The following GRID2 variants were observed in gnomAD, a reference collection of about 807,000 sequenced individuals.
The protein encoded by GRID2 is glutamate ionotropic receptor delta type subunit 2, also known as glutamate receptor ionotropic, delta-2.
In GRID2, 33 loss-of-function variants were observed where a neutral mutation model predicts 114.8. The observed-to-expected ratio is 0.29, with a 90% CI of 0.22 to 0.38. The LOEUF (loss-of-function observed/expected upper bound fraction) is 0.38. GRID2 is among the 10% of genes least tolerant of loss of function. GRID2 has a pLI of 1.00. For missense variants in GRID2, 1,184 were observed against 1,257.7 expected, an observed-to-expected ratio of 0.94 and a Z score of 0.89; for synonymous variants, 505 against 449.9, an observed-to-expected ratio of 1.12 and a Z score of -1.55.
chr4:92,873,713 G>GTTTGT (rs1216760824), intron 2 of GRID2, among the ~76,000 whole-genome samples: 6 of 151,944 alleles, frequency 3.9e-5, no homozygotes, highest in Non-Finnish European at 7.4e-5. Flanking sequence ...TTTTTTGTTT[G>GTTTGT]TTTGTTTTGT....
intron 2 of GRID2, among the ~76,000 whole-genome samples, chr4:93,053,392 T>C (rs936032907): frequency 6.6e-6 from 1 of 151,936 alleles, no homozygotes; most frequent in Non-Finnish European, 1.5e-5. Flanking sequence ...TGTATGTGTA[T>C]GCATGTGAAT....
At chr4:92,915,907 G>A (rs1748753582) in intron 2 of GRID2, among the ~76,000 whole-genome samples, 1 of 152,022 alleles carries the variant, frequency 6.6e-6, no homozygotes, top group South Asian at 2.1e-4. Context: ...AATTTTTAAT[G>A]GGGTTATTTG....
At chr4:93,547,003 G>GTTTTTATAT (rs1733287650) in intron 13 of GRID2, among the ~76,000 whole-genome samples, 1 of 151,968 alleles carries the variant, frequency 6.6e-6, no homozygotes, top group Non-Finnish European at 1.5e-5. Flanking sequence ...TAATTTTGCC[G>GTTTTTATAT]TCAACAAAGC....
intron 11 of GRID2, among the ~76,000 whole-genome samples, chr4:93,474,956 C>A (rs1284400498): frequency 6.6e-6 from 1 of 152,074 alleles, no homozygotes; most frequent in Non-Finnish European, 1.5e-5. Context: ...TGCTTTGTAA[C>A]CTCCTACTCT....
intron 2 of GRID2, among the ~76,000 whole-genome samples, chr4:92,718,811 G>T (rs1018608476): frequency 6.9e-6 from 1 of 145,060 alleles, no homozygotes; most frequent in Non-Finnish European, 1.5e-5. Flanking sequence ...TGATAAGATA[G>T]TGGAAACAGG....
intron 8 of GRID2, among the ~76,000 whole-genome samples, chr4:93,255,597 C>A (rs1749485087): frequency 6.6e-6 from 1 of 152,112 alleles, no homozygotes; most frequent in African/African-American, 2.4e-5. Flanking sequence ...AGTGAGTTCT[C>A]ACTCTCGGAA....
At chr4:93,804,280 A>T (rs955651853) in intron 1 of GRID2, among the ~76,000 whole-genome samples, 1 of 152,228 alleles carries the variant, frequency 6.6e-6, no homozygotes, top group Non-Finnish European at 1.5e-5. Flanking sequence ...ATGGAGATCC[A>T]TTCAGGAAAA....
intron 9 of GRID2, among the ~76,000 whole-genome samples, chr4:93,396,592 C>T (rs1765354061): frequency 6.6e-6 from 1 of 151,790 alleles, no homozygotes; most frequent in African/African-American, 2.4e-5. Context: ...ATTTTTTGGA[C>T]CATGGCTGAT....
chr4:92,941,079 T>C (rs1751085817), intron 2 of GRID2, among the ~76,000 whole-genome samples: 1 of 152,196 alleles, frequency 6.6e-6, no homozygotes, highest in Admixed American at 6.5e-5. Context: ...GATGCTGGCC[T>C]CATAAAATGA....
intron 2 of GRID2, among the ~76,000 whole-genome samples, chr4:92,856,795 CA>C (rs1413825379): frequency 1.3e-5 from 2 of 152,096 alleles, no homozygotes; most frequent in Non-Finnish European, 2.9e-5. Context: ...CTCACCATTG[CA>C]GGGATACCTT....
chr4:93,096,288 T>A (rs193260834), intron 3 of GRID2, among the ~76,000 whole-genome samples: 22 of 152,124 alleles, frequency 1.4e-4, no homozygotes, highest in African/African-American at 5.3e-4. Context: ...TAAGACATTA[T>A]CTTCATAACT....
chr4:93,234,547 A>G (rs1746538536), intron 7 of GRID2, among the ~76,000 whole-genome samples: 1 of 151,990 alleles, frequency 6.6e-6, no homozygotes, highest in Non-Finnish European at 1.5e-5. Flanking sequence ...ATATGTATAT[A>G]TGCAAATATA....
At chr4:93,269,768 C>G (rs550183239) in intron 8 of GRID2, among the ~76,000 whole-genome samples, 9 of 152,268 alleles carry the variant, frequency 5.9e-5, no homozygotes, top group African/African-American at 2.2e-4. Context: ...CCTTCAGGGA[C>G]TTGAGTCTTT....
At chr4:92,631,696 T>C (rs1176206536) in intron 2 of GRID2, among the ~76,000 whole-genome samples, 2 of 152,140 alleles carry the variant, frequency 1.3e-5, no homozygotes, top group African/African-American at 4.8e-5. Context: ...CATTAAACAA[T>C]TTTACTTTCA....
At chr4:92,683,588 C>G (rs901114908) in intron 2 of GRID2, among the ~76,000 whole-genome samples, 8 of 151,714 alleles carry the variant, frequency 5.3e-5, no homozygotes, top group Admixed American at 2.6e-4. Flanking sequence ...AATATACTTA[C>G]ATTTTTATAA....
intron 2 of GRID2, among the ~76,000 whole-genome samples, chr4:93,009,374 A>G (rs1485237352): frequency 3.3e-5 from 5 of 152,138 alleles, no homozygotes; most frequent in Non-Finnish European, 7.4e-5. Context: ...TGGTGAGAGG[A>G]TAGATAGAAG....
chr4:93,695,275 G>T (rs1461977966), intron 14 of GRID2, among the ~76,000 whole-genome samples: 1 of 152,010 alleles, frequency 6.6e-6, no homozygotes. Flanking sequence ...CCTCAACCTC[G>T]TGTATTTTTT....
intron 1 of GRID2, among the ~76,000 whole-genome samples, chr4:92,565,859 A>C (rs2149186810): frequency 6.6e-6 from 1 of 152,190 alleles, no homozygotes; most frequent in East Asian, 1.9e-4. Flanking sequence ...TGTGTAACAA[A>C]TTACCACAAA....
At chr4:93,723,909 AT>A (rs1729611547) in intron 14 of GRID2, among the ~76,000 whole-genome samples, 1 of 152,200 alleles carries the variant, frequency 6.6e-6, no homozygotes, top group African/African-American at 2.4e-5. Context: ...ATTCTTCACA[AT>A]ATCTGATTTG....
Sources: allele counts gnomAD v4.1 joint callset (sites outside exome capture counted in the v4.1 genomes callset), GRCh38; gene constraint gnomAD v4.1.1; transcripts MANE v1.5; gene names NCBI Gene and HGNC (gene_info 2026-07-23, HGNC 2026-07-21).